Variants in RAB33A observed in about 807,000 individuals in gnomAD.
RAB33A encodes ras-related protein Rab-33A.
In RAB33A, 6 loss-of-function variants were observed where a neutral mutation model predicts 12.0. The ratio of observed to expected loss-of-function variants is 0.50; its 90% CI spans 0.27 to 0.99. The LOEUF is 0.99. RAB33A is among the 50% of genes least tolerant of loss of function. RAB33A has a pLI of 0.11. For synonymous variants in RAB33A, 70 were observed against 82.4 expected (o/e 0.85, Z 0.81); for missense variants, 109 against 192.0 (o/e 0.57, Z 2.55).
chrX:130,146,342 G>A, the RAB33A span, among the ~76,000 whole-genome samples: 1 of 109,305 alleles, frequency 9.1e-6, no homozygotes, highest in Admixed American at 9.9e-5. Flanking sequence ...TACTCGGGAG[G>A]CTGAGGTGGG....
At chrX:130,141,123 A>C in the RAB33A span, among the ~76,000 whole-genome samples, 1 of 112,023 alleles carries the variant, frequency 8.9e-6, no homozygotes, top group Non-Finnish European at 1.9e-5. Context: ...CTCAAAAACA[A>C]AACAAAACAA....
At chrX:130,119,611 G>A in the RAB33A span, among the ~76,000 whole-genome samples, 1 of 111,710 alleles carries the variant, frequency 9.0e-6, no homozygotes, top group South Asian at 3.8e-4. Flanking sequence ...GTAGAAAGGA[G>A]GGGGCTTCCA....
chrX:130,136,527 G>A, the RAB33A span: 5 of 681,373 alleles, frequency 7.3e-6, no homozygotes, highest in African/African-American at 2.1e-5. Context: ...ATTATATCAG[G>A]TTAATGGCAA....
At chrX:130,167,829 C>T (rs2031558349), upstream of RAB33A, among the ~76,000 whole-genome samples, 1 of 108,539 alleles carries the variant, frequency 9.2e-6, no homozygotes, top group Non-Finnish European at 1.9e-5. Context: ...TGGGCCCTAA[C>T]TTTGGAGGTA....
chrX:130,169,772 TG>T (rs1160871870), upstream of RAB33A, among the ~76,000 whole-genome samples: 3 of 112,431 alleles, frequency 2.7e-5, no homozygotes, highest in Non-Finnish European at 5.6e-5. Flanking sequence ...TATGTACATA[TG>T]TTTTTTTAAT....
At chrX:130,180,469 T>G (rs1288348105) in intron 1 of RAB33A, among the ~76,000 whole-genome samples, 1 of 111,076 alleles carries the variant, frequency 9.0e-6, no homozygotes, top group East Asian at 2.9e-4. Flanking sequence ...TTATTTTTTA[T>G]TTTGAGATGG....
chrX:130,118,899 G>A, the RAB33A span, among the ~76,000 whole-genome samples: 10 of 111,850 alleles, frequency 8.9e-5, no homozygotes, highest in South Asian at 7.5e-4. Flanking sequence ...ATGTGTGTTC[G>A]TGGAGGGCAT....
chrX:130,153,178 C>CAAAAAAAAA, the RAB33A span, among the ~76,000 whole-genome samples: 490 of 42,593 alleles, frequency 0.012, no homozygotes, highest in Non-Finnish European at 0.015. Context: ...ACTAAAAATA[C>CAAAAAAAAA]AAAAAAAAAA....
chrX:130,140,306 A>C, the RAB33A span, among the ~76,000 whole-genome samples: 26 of 112,409 alleles, frequency 2.3e-4, no homozygotes, highest in South Asian at 2.2e-3. Flanking sequence ...GAGAGAAAAA[A>C]GGGCAACTTC....
At chrX:130,165,790 C>T in the RAB33A span, 2 of 586,738 alleles carry the variant, frequency 3.4e-6, no homozygotes, top group East Asian at 3.6e-5. Context: ...CTCCCAGCTC[C>T]GGGTGGGCAT....
chrX:130,136,276 G>T, the RAB33A span: 8 of 1,069,007 alleles, frequency 7.5e-6, no homozygotes, highest in African/African-American at 3.7e-5. Flanking sequence ...ATTAAGAATT[G>T]GGACTTTAAA....
At chrX:130,129,874 C>CG in the RAB33A span, 2 of 1,052,599 alleles carry the variant, frequency 1.9e-6, no homozygotes, top group Non-Finnish European at 2.7e-6. Context: ...TTGACCTGGC[C>CG]GGGGGACAAT....
At chrX:130,147,018 C>T in the RAB33A span, among the ~76,000 whole-genome samples, 1 of 110,977 alleles carries the variant, frequency 9.0e-6, no homozygotes, top group Middle Eastern at 4.7e-3. Flanking sequence ...AAAAATTAGC[C>T]GGGTGTGGTG....
At chrX:130,113,548 C>T in the RAB33A span, among the ~76,000 whole-genome samples, 4 of 109,132 alleles carry the variant, frequency 3.7e-5, no homozygotes, top group African/African-American at 1.0e-4. Context: ...CTCAGCCTCC[C>T]GAGTAACTGG....
At chrX:130,126,526 T>G in the RAB33A span, among the ~76,000 whole-genome samples, 4 of 110,111 alleles carry the variant, frequency 3.6e-5, no homozygotes, top group Non-Finnish European at 7.6e-5. Flanking sequence ...AGAAAGAATT[T>G]GGACCCCAGG....
the RAB33A span, chrX:130,155,115 C>T: frequency 8.3e-7 from 1 of 1,206,450 alleles, no homozygotes; most frequent in Non-Finnish European, 1.1e-6. Flanking sequence ...CATGGGCTCA[C>T]CCACCCTACC....
the RAB33A span, among the ~76,000 whole-genome samples, chrX:130,160,584 T>G: frequency 2.0e-4 from 22 of 112,180 alleles, no homozygotes; most frequent in Non-Finnish European, 1.9e-4. Flanking sequence ...TTCTTATTAC[T>G]ATTAAAATTT....
Position 130,184,271 on chromosome X carries a change from T to C in RAB33A, c.259-14T>C. On this transcript the variant is annotated splice_polypyrimidine_tract_variant and intron_variant, in intron 1 of 1. Transcript: ENST00000257017. ...CCTTTTCTGACTCCACCTTTGGGTTTTTGTATCTTCCAGGTTCAGGTGTGG... is the reference window on the plus strand; with the variant it reads ...CCTTTTCTGACTCCACCTTTGGGTTCTTGTATCTTCCAGGTTCAGGTGTGG... 1 of 1,198,345 alleles carries C rather than the reference T, an allele frequency of 8.3e-7. No individual in the cohort carries two copies.
chrX:130,151,210 G>A, the RAB33A span, among the ~76,000 whole-genome samples: 4 of 107,208 alleles, frequency 3.7e-5, no homozygotes, highest in Admixed American at 1.0e-4. Flanking sequence ...GCGTGATCTC[G>A]GCTTACTACA....
Sources: allele counts gnomAD v4.1 joint callset (sites outside exome capture counted in the v4.1 genomes callset), GRCh38; gene constraint gnomAD v4.1.1; transcripts MANE v1.5; gene names NCBI Gene and HGNC (gene_info 2026-07-23, HGNC 2026-07-21).